The following PCM1 variants were observed in gnomAD, a reference collection of about 807,000 sequenced individuals.
PCM1 encodes the protein pericentriolar material 1, also known as pericentriolar material 1 protein.
PCM1 carries 157 observed loss-of-function variants against 241.9 expected under a neutral mutation model. The ratio of observed to expected loss-of-function variants is 0.65; its 90% CI spans 0.57 to 0.74. The LOEUF (loss-of-function observed/expected upper bound fraction) is 0.74, where lower values mean the gene tolerates loss of function less well. Ranked by LOEUF, PCM1 falls within the 30% of genes least tolerant of loss-of-function variation. The pLI is 0.00. For synonymous variants in PCM1, 1,085 were observed against 784.9 expected, an observed-to-expected ratio of 1.38 and a Z score of -6.39; for missense variants, 3,478 against 2,360.1, an observed-to-expected ratio of 1.47 and a Z score of -9.81.
At chr8:17,924,027 G>A (rs778398103) in intron 1 of PCM1, among the ~76,000 whole-genome samples, 4 of 149,248 alleles carry the variant, frequency 2.7e-5, no homozygotes, top group Middle Eastern at 3.2e-3. Context: ...GCGAGTTGAG[G>A]TCTGTATTGT....
chr8:18,029,697 T>C lies in PCM1; in HGVS notation c.*2035T>C, dbSNP rs1239607543. ...GAGCAGATATATTTATTTAATCTGT[T>C]TTCTCTAGTAACTATTGCTGAAGGG... On this transcript the variant is annotated 3_prime_UTR_variant, in exon 39 of 39. Coordinates refer to ENST00000325083, the MANE Select transcript of PCM1 (RefSeq NM_006197.4). The C allele has an allele frequency of 2.0e-5, 4 of 197,520 alleles. No homozygotes were observed. Among genetic ancestry groups the C allele is most frequent in the Admixed American group, 1.2e-4 (2 of 16,556 alleles). The allele number at this position is 197,520 out of a possible 1,614,324, so 12.2% of individuals were successfully genotyped here.
At chr8:17,936,314 G>A (rs141750073) in intron 3 of PCM1, among the ~76,000 whole-genome samples, 1 of 152,174 alleles carries the variant, frequency 6.6e-6, no homozygotes, top group African/African-American at 2.4e-5. Context: ...TAGATTGGGT[G>A]GAAGGACAGT....
At chr8:17,940,051 A>C in intron 6 of PCM1, 190 bp downstream of exon 6, 5 of 1,569,924 alleles carry the variant, frequency 3.2e-6, no homozygotes, top group Non-Finnish European at 3.4e-6. Context: ...GGCTAGAGAA[A>C]ATGAGGAGGA....
chr8:17,931,085 G>A (rs1035056898), intron 2 of PCM1, among the ~76,000 whole-genome samples: 2 of 152,116 alleles, frequency 1.3e-5, no homozygotes, highest in African/African-American at 4.8e-5. Context: ...TTAGACTTTA[G>A]TAAATTTTGT....
At position 18,001,887 on chromosome 8, in the gene PCM1, C is replaced by T. The variant is rs914157504; in HGVS notation, c.4828-4376C>T. Among the ~76,000 whole-genome samples, 5 of 151,566 alleles carry T rather than the reference C, an allele frequency of 3.3e-5. No homozygotes were observed. The East Asian group carries it at 5.8e-4, about 18-fold the overall frequency. On this transcript the variant is annotated intron_variant, in intron 29 of 38. Coordinates refer to ENST00000325083, the MANE Select transcript of PCM1 (RefSeq NM_006197.4). ...AGCTGAGAGGAAAAAGTCAGCTGAT[C>T]GTGTCCAGATTATTCCATGTAAAAA... is the stretch of plus-strand genomic sequence containing the variant.
intron 8 of PCM1, among the ~76,000 whole-genome samples, chr8:17,952,236 TA>T (rs1197155738): frequency 6.7e-6 from 1 of 149,924 alleles, no homozygotes; most frequent in African/African-American, 2.5e-5. Context: ...AATAAATAAA[TA>T]AATAAATAAA....
At chr8:17,946,606 C>T (rs2063855694) in intron 6 of PCM1, among the ~76,000 whole-genome samples, 1 of 152,058 alleles carries the variant, frequency 6.6e-6, no homozygotes, top group South Asian at 2.1e-4. Context: ...AAGCGATTCT[C>T]TTGCCTCAGC....
chr8:17,966,432 G>C lies in PCM1; in HGVS notation c.3180G>C (p.Gln1060His). Residue 1060 changes from glutamine to histidine, a missense_variant, in exon 20 of 39, where the codon CAG (glutamine) becomes CAC (histidine). Gln to His is a conservative substitution (Grantham distance 24). Coordinates refer to ENST00000325083, the MANE Select transcript of PCM1 (RefSeq NM_006197.4). ...ACTTCATAATGCACCAGTTGAACCA[G>C]TGCTATACTCAGCTAACATGGCAAC... ...QVHFIMHQLN[Q>H]CYTQLTWQQN... The C allele has an allele frequency of 1.9e-6, 3 of 1,613,772 alleles. No individual in the cohort carries two copies. The highest frequency in any genetic ancestry group is 1.7e-5 in the Admixed American group (1 of 60,022).
chr8:17,940,422 T>G (rs2285304), intron 6 of PCM1, among the ~76,000 whole-genome samples: 1 of 152,032 alleles, frequency 6.6e-6, no homozygotes, highest in South Asian at 2.1e-4. Context: ...TTTTGTAGTT[T>G]GTTTTGTTAA....
chr8:17,964,821 T>G (rs1430642320), intron 18 of PCM1, 53 bp downstream of exon 18: 2 of 1,361,740 alleles, frequency 1.5e-6, no homozygotes, highest in Non-Finnish European at 2.1e-6. Context: ...CAGGTCTTTT[T>G]GACTGACAGC....
chr8:17,982,386 C>A (rs1209095961), intron 24 of PCM1, among the ~76,000 whole-genome samples: 1 of 151,940 alleles, frequency 6.6e-6, no homozygotes, highest in Non-Finnish European at 1.5e-5. Flanking sequence ...GTACTTCAGG[C>A]CCTATTACTG....
At chr8:17,993,094 T>G (rs1177019310) in intron 28 of PCM1, among the ~76,000 whole-genome samples, 1 of 152,178 alleles carries the variant, frequency 6.6e-6, no homozygotes, top group African/African-American at 2.4e-5. Context: ...CTTTTTAGTT[T>G]AAGTTCCATC....
chr8:17,925,704 G>A (rs1229908391), intron 2 of PCM1: 3 of 152,312 alleles, frequency 2.0e-5, no homozygotes, highest in Non-Finnish European at 4.4e-5. Context: ...AGGCGTGGTG[G>A]CGGGCACCTG....
chr8:17,944,113 C>G (rs1481217679), intron 6 of PCM1, among the ~76,000 whole-genome samples: 1 of 152,140 alleles, frequency 6.6e-6, no homozygotes, highest in Non-Finnish European at 1.5e-5. Context: ...AATTTATAAG[C>G]TTTCTTTGTA....
At position 17,953,167 on chromosome 8, in the gene PCM1, G is replaced by A. The variant is rs1284324233; in HGVS notation, c.1269G>A (p.Gln423=). The A allele has an allele frequency of 1.3e-6, 2 of 1,567,436 alleles. No homozygotes were observed. The highest frequency in any genetic ancestry group is 1.4e-5 in the African/African-American group (1 of 74,028). ...GAGAACTTCATACACTTCGAGATCA[G>A]CATCTTAACAATTCATCATGTGAGT... The part of the protein sequence containing the change: ...LLGELHTLRD[Q]HLNNSSSSPQ... The change falls in exon 9 of 39, where the codon CAG becomes CAA. Residue 423 remains glutamine (Q), a synonymous_variant. Coordinates refer to ENST00000325083, the MANE Select transcript of PCM1 (RefSeq NM_006197.4).
intron 21 of PCM1, among the ~76,000 whole-genome samples, chr8:17,967,846 G>C (rs1161732161): frequency 6.6e-6 from 1 of 152,112 alleles, no homozygotes; most frequent in Non-Finnish European, 1.5e-5. Context: ...AGCACATTTA[G>C]CTTAAGCTTT....
chr8:17,993,281 A>C (rs972380279), intron 28 of PCM1, among the ~76,000 whole-genome samples: 5 of 152,084 alleles, frequency 3.3e-5, no homozygotes, highest in Non-Finnish European at 7.4e-5. Context: ...TCTATGTAAA[A>C]AATTTAAATA....
At chr8:17,928,940 C>A (rs1460370132) in intron 2 of PCM1, among the ~76,000 whole-genome samples, 2 of 152,044 alleles carry the variant, frequency 1.3e-5, no homozygotes, top group Non-Finnish European at 2.9e-5. Context: ...CCAGTATCTC[C>A]CTCCTTACCA....
intron 17 of PCM1, 87 bp downstream of exon 17, chr8:17,963,378 A>C (rs1281171948): frequency 1.1e-6 from 1 of 886,356 alleles, no homozygotes; most frequent in African/African-American, 1.7e-5. Flanking sequence ...TCTCCTCTAC[A>C]TCACAGCACA....
Sources: gnomAD v4.1 joint callset for allele counts (sites outside exome capture counted in the v4.1 genomes callset) on GRCh38, gnomAD v4.1.1 for gene constraint, MANE v1.5 for transcripts, NCBI Gene and HGNC (gene_info 2026-07-23, HGNC 2026-07-21) for gene names.